NRG1: variants seen among roughly 807,000 people sequenced by gnomAD.
NRG1 encodes neuregulin 1.
Under a neutral mutation model 63.8 loss-of-function variants are expected in NRG1, and 18 were observed. The ratio of observed to expected loss-of-function variants is 0.28; its 90% CI spans 0.19 to 0.42. The LOEUF (loss-of-function observed/expected upper bound fraction) is 0.42, where lower values mean the gene tolerates loss of function less well. NRG1 is among the 10% of genes least tolerant of loss of function. The pLI is 1.00. For synonymous variants in NRG1, 302 were observed against 301.3 expected, an observed-to-expected ratio of 1.00 and a Z score of -0.02; for missense variants, 762 against 814.7, an observed-to-expected ratio of 0.94 and a Z score of 0.79.
chr8:31,976,662 GGT>G (rs55763806), intron 1 of NRG1, among the ~76,000 whole-genome samples: 251 of 150,558 alleles, frequency 1.7e-3, no homozygotes, highest in East Asian at 9.5e-3. Context: ...ATCTGCCATG[GGT>G]GTGTGTGTGT....
intron 1 of NRG1, among the ~76,000 whole-genome samples, chr8:32,530,567 C>T (rs1831359316): frequency 6.6e-6 from 1 of 152,116 alleles, no homozygotes; most frequent in Non-Finnish European, 1.5e-5. Flanking sequence ...ATTTATATGC[C>T]TTTGAGTCTC....
chr8:32,651,421 A>G (rs1267078759), intron 5 of NRG1, among the ~76,000 whole-genome samples: 1 of 152,088 alleles, frequency 6.6e-6, no homozygotes, highest in African/African-American at 2.4e-5. Context: ...TACTTGCACT[A>G]TTCATTTGTT....
At chr8:32,080,211 G>A (rs745308025) in intron 1 of NRG1, among the ~76,000 whole-genome samples, 2 of 152,040 alleles carry the variant, frequency 1.3e-5, no homozygotes, top group African/African-American at 2.4e-5. Flanking sequence ...AATTCTTAAC[G>A]TGATTATTTG....
chr8:32,597,632 A>G (rs1321228887), intron 2 of NRG1, among the ~76,000 whole-genome samples: 1 of 152,180 alleles, frequency 6.6e-6, no homozygotes, highest in African/African-American at 2.4e-5. Context: ...TTTGCAGATT[A>G]GGAAATTGAG....
chr8:32,372,216 T>C (rs1241670277), intron 1 of NRG1, among the ~76,000 whole-genome samples: 1 of 152,002 alleles, frequency 6.6e-6, no homozygotes, highest in Non-Finnish European at 1.5e-5. Flanking sequence ...CTCAAACTCC[T>C]GGCCTCAAAC....
At chr8:31,810,391 A>G (rs1822772760) in intron 1 of NRG1, among the ~76,000 whole-genome samples, 1 of 152,182 alleles carries the variant, frequency 6.6e-6, no homozygotes. Flanking sequence ...AGTCCTAAGC[A>G]TGACCAATAC....
At chr8:32,198,035 G>A (rs1843133257) in intron 1 of NRG1, among the ~76,000 whole-genome samples, 1 of 152,144 alleles carries the variant, frequency 6.6e-6, no homozygotes, top group Non-Finnish European at 1.5e-5. Flanking sequence ...AATATTCCTG[G>A]GCCAAATATT....
chr8:31,689,693 T>G (rs1768092854), intron 1 of NRG1, among the ~76,000 whole-genome samples: 1 of 152,238 alleles, frequency 6.6e-6, no homozygotes. Context: ...ATTCAATGAA[T>G]ATTCATTAAG....
intron 1 of NRG1, among the ~76,000 whole-genome samples, chr8:32,255,407 C>T (rs1313734890): frequency 6.6e-6 from 1 of 152,180 alleles, no homozygotes; most frequent in Non-Finnish European, 1.5e-5. Flanking sequence ...AACCTCTCAG[C>T]ATTTGTTTGT....
At chr8:31,662,736 A>C (rs746056804) in intron 1 of NRG1, among the ~76,000 whole-genome samples, 1 of 152,216 alleles carries the variant, frequency 6.6e-6, no homozygotes, top group African/African-American at 2.4e-5. Flanking sequence ...GGTAGGTTTC[A>C]TCATCTGCAC....
chr8:32,356,482 C>CCCCCCCCCCGGGCCCCCCCCCCG (rs1554517234), intron 1 of NRG1, among the ~76,000 whole-genome samples: 1 of 131,670 alleles, frequency 7.6e-6, no homozygotes, highest in African/African-American at 2.9e-5. Context: ...GGACCCCCCC[C>CCCCCCCCCCGGGCCCCCCCCCCG]CCACCCGCCG....
At chr8:32,526,763 G>A (rs1023588949) in intron 1 of NRG1, among the ~76,000 whole-genome samples, 5 of 152,112 alleles carry the variant, frequency 3.3e-5, no homozygotes, top group Non-Finnish European at 5.9e-5. Flanking sequence ...TTCTCTTCCT[G>A]AGGCATTTTA....
Position 32,471,704 on chromosome 8 carries a change from G to A in NRG1, c.38-124124G>A, listed in dbSNP as rs117035010. Among the ~76,000 whole-genome samples the A allele has an allele frequency of 6.9e-3, 1,055 of 152,148 alleles. 10 individuals carry two copies. The highest frequency in any genetic ancestry group is 9.4e-3 in the Non-Finnish European group (642 of 68,008). ...ATACTTAATATATAACATTTGTAAT[G>A]TTCAAATACCGAAAGAAAAAAATGT... On this transcript the variant is annotated intron_variant, in intron 1 of 10. Transcript: ENST00000519301.
At chr8:32,589,001 A>T (rs116985125) in intron 1 of NRG1, among the ~76,000 whole-genome samples, 3,856 of 152,310 alleles carry the variant, frequency 0.025, 64 homozygotes, top group Middle Eastern at 0.078. Flanking sequence ...AGGTGGCAAC[A>T]AATAATGATC....
At chr8:32,204,907 T>A (rs1235187163) in intron 1 of NRG1, among the ~76,000 whole-genome samples, 1 of 152,206 alleles carries the variant, frequency 6.6e-6, no homozygotes, top group African/African-American at 2.4e-5. Context: ...AAATCATATC[T>A]ATAGCAATGA....
chr8:31,740,597 G>C (rs898114421), intron 1 of NRG1, among the ~76,000 whole-genome samples: 2 of 152,010 alleles, frequency 1.3e-5, no homozygotes, highest in African/African-American at 4.8e-5. Flanking sequence ...AAGCTTGACA[G>C]TTTGCAAATA....
At chr8:32,595,744 T>G in intron 1 of NRG1, 84 bp from the exon 2 acceptor site, 2 of 1,273,556 alleles carry the variant, frequency 1.6e-6, no homozygotes, top group Non-Finnish European at 2.1e-6. Flanking sequence ...GGTGCCTTGA[T>G]CAGGCTAACT....
intron 1 of NRG1, among the ~76,000 whole-genome samples, chr8:32,032,713 A>G (rs1563702785): frequency 6.6e-6 from 1 of 151,928 alleles, no homozygotes; most frequent in Non-Finnish European, 1.5e-5. Flanking sequence ...ATTTTCTCCC[A>G]CTGTGTAGGT....
At chr8:32,458,649 G>A (rs1821917009) in intron 1 of NRG1, among the ~76,000 whole-genome samples, 1 of 151,892 alleles carries the variant, frequency 6.6e-6, no homozygotes, top group South Asian at 2.1e-4. Flanking sequence ...TTTTATTGCA[G>A]GTGAAGTCAT....
Sources: allele counts gnomAD v4.1 joint callset (sites outside exome capture counted in the v4.1 genomes callset), GRCh38; gene constraint gnomAD v4.1.1; transcripts MANE v1.5; gene names NCBI Gene and HGNC (gene_info 2026-07-23, HGNC 2026-07-21).